Variants in HOXA3 observed in about 807,000 individuals in gnomAD.
HOXA3 encodes homeobox A3, also known as homeobox protein Hox-A3.
A neutral mutation model predicts 30.3 loss-of-function variants in HOXA3; 8 were observed. The observed-to-expected ratio is 0.26, with a 90% CI of 0.15 to 0.48. The LOEUF is 0.48. Ranked by LOEUF, HOXA3 falls within the 20% of genes least tolerant of loss-of-function variation. HOXA3 has a pLI of 0.99. For missense variants in HOXA3, 653 were observed against 614.4 expected (o/e 1.06, Z -0.66); for synonymous variants, 323 against 273.1 (o/e 1.18, Z -1.80).
In HOXA3 at chr7:27,147,112, T is replaced by C. The variant is rs538654853; in HGVS notation, c.-494+5176A>G. On this transcript the variant is annotated intron_variant, in intron 1 of 5. Transcript: ENST00000612286. ...GTCAGCTTACATGGACACTGGGGCC[T>C]TGCCCTTCCTCTGCCATGGCCTGAT... is the stretch of plus-strand genomic sequence containing the variant. 2.4e-5 allele frequency: 15 copies of C among 622,520 alleles called. No homozygotes were observed. In the East Asian group the frequency reaches 3.8e-4, roughly 16 times the overall value. 38.6% of individuals were successfully genotyped at this position (622,520 alleles called of 1,614,324 possible). A position where few individuals can be genotyped will look rare whatever the true frequency, so the allele number is the denominator to read the frequency against.
chr7:27,135,510 A>G (rs951580574), intron 2 of HOXA3, among the ~76,000 whole-genome samples: 8 of 152,176 alleles, frequency 5.3e-5, no homozygotes, highest in Non-Finnish European at 1.0e-4. Flanking sequence ...CCCTTCTCAG[A>G]TCTCAGAACG....
rs767570828 is a variant in HOXA3, at chr7:27,142,092, T to C, written c.-493-1906A>G. 9.3e-6 allele frequency: 15 copies of C among 1,611,054 alleles called. No homozygotes were observed. In the East Asian group the frequency reaches 2.7e-4, roughly 29 times the overall value. ...TCCGGGCCGCCTATGTTGTCTGCAA[T>C]AGAAAAGTCAGCGGTTTAGCCACCA... On this transcript the variant is annotated intron_variant, in intron 1 of 5. Transcript: ENST00000612286.
intron 3 of HOXA3, 188 bp from the exon 4 acceptor site, chr7:27,122,830 TCC>T (rs1458477231): frequency 3.3e-5 from 5 of 152,172 alleles, no homozygotes; most frequent in African/African-American, 1.2e-4. Flanking sequence ...CTACAAATGG[TCC>T]GAAGATGGTG....
chr7:27,151,747 C>T (rs1326422196), intron 1 of HOXA3: 7 of 454,638 alleles, frequency 1.5e-5, no homozygotes, highest in Non-Finnish European at 2.7e-5. Context: ...GTAGAAAGTG[C>T]TGTGCTGATG....
chr7:27,143,895 G>A (rs1782663591), intron 1 of HOXA3, among the ~76,000 whole-genome samples: 1 of 152,308 alleles, frequency 6.6e-6, no homozygotes, highest in Non-Finnish European at 1.5e-5. Flanking sequence ...GCCAGTTGCC[G>A]CCGTTCAGCC....
intron 2 of HOXA3, chr7:27,128,908 C>G: frequency 2.5e-6 from 1 of 401,402 alleles, no homozygotes. Context: ...CATGGGCTGT[C>G]CAGCTAGCTG....
At chr7:27,121,539 C>T (rs1785014198) in intron 4 of HOXA3, among the ~76,000 whole-genome samples, 1 of 152,110 alleles carries the variant, frequency 6.6e-6, no homozygotes, top group Admixed American at 6.5e-5. Context: ...CTCTGTTTAC[C>T]TTCTATTGGA....
intron 2 of HOXA3, chr7:27,130,470 C>A: frequency 8.0e-7 from 1 of 1,254,436 alleles, no homozygotes; most frequent in Non-Finnish European, 1.0e-6. Flanking sequence ...CGGGGTACAG[C>A]GCGGCAGCAG....
At chr7:27,151,785 C>CT in intron 1 of HOXA3, 2 of 425,868 alleles carry the variant, frequency 4.7e-6, no homozygotes, top group Admixed American at 4.9e-5. Flanking sequence ...GATTAATGCA[C>CT]TTTGCCCTCA....
chr7:27,112,806 C>A (rs773660892), intron 4 of HOXA3, among the ~76,000 whole-genome samples: 3 of 152,228 alleles, frequency 2.0e-5, no homozygotes, highest in Non-Finnish European at 2.9e-5. Context: ...TTTGCACATG[C>A]AATATTTCTA....
intron 3 of HOXA3, among the ~76,000 whole-genome samples, chr7:27,125,412 C>A (rs1306246059): frequency 6.6e-6 from 1 of 152,200 alleles, no homozygotes; most frequent in Admixed American, 6.5e-5. Flanking sequence ...GGGGTTGCCC[C>A]GTGATTTTGG....
At chr7:27,141,274 G>A (rs1322870800) in intron 1 of HOXA3, 1 of 153,158 alleles carries the variant, frequency 6.5e-6, no homozygotes. Context: ...AGGCACGCAG[G>A]GACACACCGC....
Position 27,110,641 on chromosome 7 carries a change from C to T in HOXA3, c.-1G>A, listed in dbSNP as rs756149179. The stretch of plus-strand genomic sequence containing the variant: ...TGTCGTAGTAGGTCGCTTTTTGCAT[C>T]GCGTTGTTTCACGATCTTGATCGCA... On this transcript the variant is annotated 5_prime_UTR_variant, in exon 5 of 6. Coordinates refer to ENST00000612286, the MANE Select transcript of HOXA3 (RefSeq NM_153631.3). 1 of 1,600,658 alleles carries T rather than the reference C, an allele frequency of 6.2e-7. No homozygotes were observed. Among genetic ancestry groups the T allele is most frequent in the East Asian group, 2.3e-5 (1 of 44,396 alleles).
chr7:27,139,416 G>GCCCAGCCTGGAGGTGCAGC (rs1785827122), intron 2 of HOXA3, among the ~76,000 whole-genome samples: 1 of 152,170 alleles, frequency 6.6e-6, no homozygotes, highest in African/African-American at 2.4e-5. Flanking sequence ...CAACCCGGGG[G>GCCCAGCCTGGAGGTGCAGC]CCCAGCCTGG....
intron 2 of HOXA3, chr7:27,130,903 A>C: frequency 7.6e-6 from 5 of 656,592 alleles, no homozygotes; most frequent in South Asian, 1.7e-5. Context: ...GCCGCCACCA[A>C]AGTTCGAGCC....
intron 3 of HOXA3, among the ~76,000 whole-genome samples, chr7:27,126,469 G>C (rs1333744327): frequency 1.3e-5 from 2 of 151,866 alleles, no homozygotes; most frequent in Non-Finnish European, 2.9e-5. Context: ...TAATGAGATA[G>C]AAAATTTGTC....
Position 27,108,683 on chromosome 7 carries a change from C to G in HOXA3, c.564G>C (p.Gln188His), listed in dbSNP as rs1470258466. ...CCGTGCGCGCGCGCTTGGACGAAGC[C>G]TGCCCCGGCGGGCTCTTGTCGCCAG... ...SCAGDKSPPGQASSKRARTAY... is the reference protein window; with the variant it reads ...SCAGDKSPPGHASSKRARTAY... The change falls in exon 6 of 6, where the codon CAG (glutamine) becomes CAC (histidine). Residue 188 changes from glutamine (Q) to histidine (H), a missense_variant. Gln to His is a conservative substitution (Grantham distance 24). Coordinates refer to ENST00000612286, the MANE Select transcript of HOXA3 (RefSeq NM_153631.3). This position sits in a 1 kb window ranked among gnomAD's most constrained non-coding sequence, Gnocchi z 5.0. 3 of 1,608,382 alleles carry G rather than the reference C, an allele frequency of 1.9e-6. No homozygotes were observed. In the African/African-American group the frequency reaches 4.0e-5, roughly 22 times the overall value.
intron 1 of HOXA3, among the ~76,000 whole-genome samples, chr7:27,149,310 G>A (rs1361203840): frequency 6.6e-6 from 1 of 152,222 alleles, no homozygotes; most frequent in Non-Finnish European, 1.5e-5. Flanking sequence ...GACTATTTAC[G>A]TGATTTGGAT....
chr7:27,141,543 C>G, intron 1 of HOXA3: 1 of 242,118 alleles, frequency 4.1e-6, no homozygotes. Context: ...TTTCTCTTTT[C>G]TTTTTTTGTT....
Sources: gnomAD v4.1 joint callset for allele counts (sites outside exome capture counted in the v4.1 genomes callset) on GRCh38, gnomAD v4.1.1 for gene constraint, Gnocchi (gnomAD v3.1) non-coding constraint, MANE v1.5 for transcripts, NCBI Gene and HGNC (gene_info 2026-07-23, HGNC 2026-07-21) for gene names.